Variants in CAST observed in about 807,000 individuals in gnomAD.
The protein encoded by CAST is calpastatin.
Under a neutral mutation model 119.6 loss-of-function variants are expected in CAST, and 76 were observed. That is an observed-to-expected ratio of 0.64 (90% CI 0.53 to 0.77). The LOEUF is 0.77. Ranked by LOEUF, CAST falls within the 30% of genes least tolerant of loss-of-function variation. The pLI is 0.00. For missense variants in CAST, 953 were observed against 946.5 expected (o/e 1.01, Z -0.09); for synonymous variants, 319 against 331.6 (o/e 0.96, Z 0.41).
the CAST span, among the ~76,000 whole-genome samples, chr5:96,028,434 C>G: frequency 6.6e-6 from 1 of 151,726 alleles, no homozygotes; most frequent in Non-Finnish European, 1.5e-5. Flanking sequence ...AATATTCAGC[C>G]AAGCTTAATG....
At chr5:96,226,613 C>T in the CAST span, among the ~76,000 whole-genome samples, 23 of 152,112 alleles carry the variant, frequency 1.5e-4, no homozygotes, top group Admixed American at 2.6e-4. Context: ...GCCAAGATCA[C>T]ACCACTGCAC....
At chr5:96,663,219 G>A (rs1748825693) in intron 1 of CAST, 1 of 702,596 alleles carries the variant, frequency 1.4e-6, no homozygotes, top group Non-Finnish European at 2.6e-6. Flanking sequence ...TGTGTTGGAA[G>A]GGAGTGTGTT....
At chr5:96,746,266 A>G (rs1048482824) in intron 16 of CAST, 76 bp from the exon 17 acceptor site, 1 of 844,380 alleles carries the variant, frequency 1.2e-6, no homozygotes, top group African/African-American at 1.7e-5. Flanking sequence ...ACACTCGAGA[A>G]GTACACAGAG....
At chr5:96,412,839 T>A in the CAST span, 2 of 515,058 alleles carry the variant, frequency 3.9e-6, no homozygotes, top group Non-Finnish European at 5.2e-6. Context: ...TGGAGCAGCA[T>A]CCTTGGATGA....
the CAST span, among the ~76,000 whole-genome samples, chr5:95,973,770 GAAAC>G: frequency 6.6e-6 from 1 of 152,114 alleles, no homozygotes; most frequent in Non-Finnish European, 1.5e-5. Flanking sequence ...CTGCAAGAAA[GAAAC>G]AAATTCTCTC....
At chr5:96,272,010 A>C in the CAST span, among the ~76,000 whole-genome samples, 4 of 152,244 alleles carry the variant, frequency 2.6e-5, no homozygotes, top group Non-Finnish European at 5.9e-5. Flanking sequence ...ATATTTTTTA[A>C]ATGCTCAACA....
At chr5:96,208,487 A>G in the CAST span, among the ~76,000 whole-genome samples, 1 of 151,728 alleles carries the variant, frequency 6.6e-6, no homozygotes, top group African/African-American at 2.4e-5. Context: ...TCCTCTTAAT[A>G]CTGCTTTAAC....
chr5:96,363,109 T>C, the CAST span, among the ~76,000 whole-genome samples: 1 of 145,234 alleles, frequency 6.9e-6, no homozygotes, highest in Non-Finnish European at 1.5e-5. Context: ...CCCCATTGCT[T>C]GTTTTTGTCA....
At chr5:96,717,986 A>G (rs1349573766) in intron 3 of CAST, among the ~76,000 whole-genome samples, 1 of 152,190 alleles carries the variant, frequency 6.6e-6, no homozygotes, top group African/African-American at 2.4e-5. Flanking sequence ...CTATCCAGGT[A>G]TGGGTGATAG....
rs1580823039 is a variant in CAST at position 96,556,745 on chromosome 5, AAAGT to A, written c.60+26866_60+26869del. 7.9e-5 allele frequency among the ~76,000 whole-genome samples: 12 copies of A among 152,382 alleles called. No individual in the cohort carries two copies. In the East Asian group the frequency reaches 2.3e-3, roughly 29 times the overall value. Reference sequence around the variant, plus strand: ...AATCTACATCTGACTGGTGTACCTGAAAGTGATGGGGAGAATGGAACCAAGTTGG... The same window carrying A: ...AATCTACATCTGACTGGTGTACCTGAGATGGGGAGAATGGAACCAAGTTGG... On this transcript the variant is annotated intron_variant, in intron 1 of 11. Transcript: ENST00000505143.
At chr5:96,015,005 C>T in the CAST span, among the ~76,000 whole-genome samples, 81 of 152,200 alleles carry the variant, frequency 5.3e-4, 2 homozygotes, top group Admixed American at 5.2e-3. Context: ...GTCCTCACCA[C>T]ACCCTGTAAA....
Position 96,732,281 on chromosome 5 carries a change from T to C in CAST, c.630+1421T>C, listed in dbSNP as rs571567241. 8.1e-4 allele frequency among the ~76,000 whole-genome samples: 109 copies of C among 135,254 alleles called. No individual in the cohort carries two copies. The South Asian group carries it at 0.028, about 34-fold the overall frequency. 88.7% of individuals were successfully genotyped at this position (135,254 alleles called of 152,430 possible). A position where few individuals can be genotyped will look rare whatever the true frequency, so the allele number is the denominator to read the frequency against. On this transcript the variant is annotated intron_variant, in intron 9 of 31. Transcript: ENST00000675179. ...ATGATGAGCATTTTTTCATGTGTCT[T>C]TTGGCTGCATAAATGTCTTCTTTTG...
chr5:96,104,069 T>G, the CAST span, among the ~76,000 whole-genome samples: 6 of 152,162 alleles, frequency 3.9e-5, no homozygotes, highest in Non-Finnish European at 8.8e-5. Context: ...TCGCCCACTT[T>G]TTGATGGGGT....
At chr5:96,194,429 A>T in the CAST span, among the ~76,000 whole-genome samples, 1 of 152,170 alleles carries the variant, frequency 6.6e-6, no homozygotes, top group South Asian at 2.1e-4. Flanking sequence ...GTATCTTATG[A>T]TGTGATGGGT....
chr5:96,074,198 T>TG, the CAST span, among the ~76,000 whole-genome samples: 1 of 151,396 alleles, frequency 6.6e-6, no homozygotes, highest in Non-Finnish European at 1.5e-5. Context: ...TTTGTTTCTG[T>TG]AAGTGATTCA....
chr5:96,771,387 A>G (rs1202871149), intron 30 of CAST, among the ~76,000 whole-genome samples: 2 of 152,178 alleles, frequency 1.3e-5, no homozygotes, highest in African/African-American at 4.8e-5. Context: ...TGCATATTTT[A>G]TAACCTACCC....
the CAST span, among the ~76,000 whole-genome samples, chr5:96,057,599 A>G: frequency 6.6e-6 from 1 of 152,198 alleles, no homozygotes; most frequent in African/African-American, 2.4e-5. Flanking sequence ...TGTGAGGCTC[A>G]GAACTGAATA....
chr5:96,393,027 C>T, the CAST span: 39 of 1,614,148 alleles, frequency 2.4e-5, no homozygotes, highest in African/African-American at 2.3e-4. Flanking sequence ...AGAATGTCCA[C>T]CAGAGCTTGA....
At chr5:96,403,471 C>T in the CAST span, among the ~76,000 whole-genome samples, 42 of 152,066 alleles carry the variant, frequency 2.8e-4, no homozygotes, top group African/African-American at 9.7e-4. Flanking sequence ...ATTGTTCATT[C>T]GTGTGCTTGT....
Sources: allele counts gnomAD v4.1 joint callset (sites outside exome capture counted in the v4.1 genomes callset), GRCh38; gene constraint gnomAD v4.1.1; transcripts MANE v1.5; gene names NCBI Gene and HGNC (gene_info 2026-07-23, HGNC 2026-07-21).